FHIT: variants seen among roughly 807,000 people sequenced by gnomAD.
FHIT encodes fragile histidine triad diadenosine triphosphatase.
A neutral mutation model predicts 17.9 loss-of-function variants in FHIT; 19 were observed. That is an observed-to-expected ratio of 1.06 (90% CI 0.74 to 1.56). The LOEUF is 1.56. Among genes scored for constraint, FHIT ranks in the 40% most tolerant of loss-of-function variants. FHIT has a pLI of 0.00. For synonymous variants in FHIT, 81 were observed against 69.7 expected (o/e 1.16, Z -0.81); for missense variants, 248 against 189.2 (o/e 1.31, Z -1.82).
chr3:60,340,732 G>C (rs1379062612), intron 5 of FHIT, among the ~76,000 whole-genome samples: 1 of 152,008 alleles, frequency 6.6e-6, no homozygotes, highest in Non-Finnish European at 1.5e-5. Flanking sequence ...TTTTGAGACA[G>C]AGTCTCACTC....
chr3:59,764,863 A>AACACACAC (rs57549363), intron 8 of FHIT, among the ~76,000 whole-genome samples: 9 of 145,688 alleles, frequency 6.2e-5, no homozygotes, highest in African/African-American at 2.4e-4. Flanking sequence ...GGCAACTGCA[A>AACACACAC]ACACACACAC....
chr3:60,684,300 C>G (rs2040813613), intron 4 of FHIT, among the ~76,000 whole-genome samples: 1 of 152,090 alleles, frequency 6.6e-6, no homozygotes. Context: ...TCTCAAGATC[C>G]TCAATTTAAT....
intron 3 of FHIT, among the ~76,000 whole-genome samples, chr3:61,023,964 A>G (rs969654565): frequency 4.6e-5 from 7 of 152,222 alleles, no homozygotes; most frequent in Admixed American, 6.5e-5. Flanking sequence ...CTAAAACACC[A>G]AAAGCAATGG....
intron 3 of FHIT, among the ~76,000 whole-genome samples, chr3:60,955,351 A>C (rs1000676903): frequency 6.6e-5 from 10 of 152,160 alleles, no homozygotes; most frequent in African/African-American, 2.2e-4. Context: ...TGCCTCAGTA[A>C]GTGGGTTACA....
chr3:61,179,529 A>T (rs960058665), intron 2 of FHIT, among the ~76,000 whole-genome samples: 1 of 151,730 alleles, frequency 6.6e-6, no homozygotes, highest in Admixed American at 6.6e-5. Context: ...GGCAACAATA[A>T]TGAGACTCTG....
At chr3:60,849,365 A>G (rs943234739) in intron 3 of FHIT, among the ~76,000 whole-genome samples, 3 of 151,380 alleles carry the variant, frequency 2.0e-5, no homozygotes, top group Admixed American at 6.6e-5. Flanking sequence ...AGACTGAACA[A>G]TGAGACATCT....
chr3:61,219,609 G>C (rs1264838947), intron 1 of FHIT, among the ~76,000 whole-genome samples: 1 of 151,976 alleles, frequency 6.6e-6, no homozygotes, highest in Non-Finnish European at 1.5e-5. Flanking sequence ...TTTTGTTCTA[G>C]AGCAGACAAA....
At chr3:60,808,786 T>G (rs1326212517) in intron 4 of FHIT, among the ~76,000 whole-genome samples, 2 of 152,114 alleles carry the variant, frequency 1.3e-5, no homozygotes, top group African/African-American at 4.8e-5. Flanking sequence ...CTACTAGTTC[T>G]CCCCCCTGAT....
At chr3:60,554,025 T>G (rs538952970) in intron 4 of FHIT, among the ~76,000 whole-genome samples, 6 of 152,158 alleles carry the variant, frequency 3.9e-5, no homozygotes, top group African/African-American at 7.2e-5. Flanking sequence ...GGGCAGAGGT[T>G]GCAGTGAGCC....
At chr3:60,362,519 T>G (rs367721611) in intron 5 of FHIT, among the ~76,000 whole-genome samples, 1 of 152,190 alleles carries the variant, frequency 6.6e-6, no homozygotes. Flanking sequence ...GTGCTTATTG[T>G]GGATAAGGAC....
At chr3:61,034,830 A>G (rs2107674915) in intron 3 of FHIT, among the ~76,000 whole-genome samples, 1 of 152,318 alleles carries the variant, frequency 6.6e-6, no homozygotes, top group Non-Finnish European at 1.5e-5. Flanking sequence ...GTACCTGTGC[A>G]TACATGTTCA....
chr3:59,932,584 T>A (rs2107234168), intron 7 of FHIT, among the ~76,000 whole-genome samples: 1 of 152,330 alleles, frequency 6.6e-6, no homozygotes, highest in Non-Finnish European at 1.5e-5. Flanking sequence ...TAAGAGAATG[T>A]ACCCACTTCG....
intron 3 of FHIT, among the ~76,000 whole-genome samples, chr3:60,851,721 C>T (rs533401135): frequency 4.8e-4 from 73 of 152,216 alleles, no homozygotes; most frequent in Non-Finnish European, 9.1e-4. Flanking sequence ...CCCATTAATG[C>T]AGTCTATCAA....
intron 5 of FHIT, among the ~76,000 whole-genome samples, chr3:60,362,134 T>C (rs1254492374): frequency 6.6e-6 from 1 of 152,148 alleles, no homozygotes; most frequent in Non-Finnish European, 1.5e-5. Flanking sequence ...ATAGAATATA[T>C]ATAGATAGTG....
At chr3:61,133,757 G>C (rs561451971) in intron 2 of FHIT, among the ~76,000 whole-genome samples, 1 of 152,202 alleles carries the variant, frequency 6.6e-6, no homozygotes, top group South Asian at 2.1e-4. Flanking sequence ...AAGTCTGAGA[G>C]CCAGGAGAAC....
chr3:61,001,178 G>C (rs2031055439), intron 3 of FHIT, among the ~76,000 whole-genome samples: 2 of 152,200 alleles, frequency 1.3e-5, no homozygotes, highest in African/African-American at 4.8e-5. Context: ...TGAGGATGCA[G>C]AGACACTAGA....
chr3:60,907,054 T>C (rs566459028), intron 3 of FHIT, among the ~76,000 whole-genome samples: 12 of 152,092 alleles, frequency 7.9e-5, no homozygotes, highest in African/African-American at 2.7e-4. Flanking sequence ...ATAGAACCCA[T>C]GAGTGAAAGG....
chr3:60,445,505 G>A (rs1435362038), intron 5 of FHIT, among the ~76,000 whole-genome samples: 1 of 151,936 alleles, frequency 6.6e-6, no homozygotes, highest in Non-Finnish European at 1.5e-5. Context: ...ACAAAGTAAT[G>A]GCTCTTCTCT....
At chr3:61,086,056 A>T (rs908732070) in intron 2 of FHIT, among the ~76,000 whole-genome samples, 6 of 152,296 alleles carry the variant, frequency 3.9e-5, no homozygotes, top group East Asian at 1.9e-4. Flanking sequence ...CTGCAAATAA[A>T]AGAATTTTAT....
Sources: gnomAD v4.1 joint callset for allele counts (sites outside exome capture counted in the v4.1 genomes callset) on GRCh38, gnomAD v4.1.1 for gene constraint, MANE v1.5 for transcripts, NCBI Gene and HGNC (gene_info 2026-07-23, HGNC 2026-07-21) for gene names.